ASTN2: variants seen among roughly 807,000 people sequenced by gnomAD.
ASTN2 encodes astrotactin 2.
ASTN2 carries 54 observed loss-of-function variants against 139.8 expected under a neutral mutation model. The observed-to-expected ratio is 0.39, with a 90% CI of 0.31 to 0.48. ASTN2 has a LOEUF of 0.48. ASTN2 is among the 20% of genes least tolerant of loss of function. The pLI, the probability that ASTN2 is intolerant of heterozygous loss-of-function variation, is 0.95. For missense variants in ASTN2, 1,565 were observed against 1,725.1 expected (o/e 0.91, Z 1.64); for synonymous variants, 756 against 719.5 (o/e 1.05, Z -0.81).
At chr9:117,278,857 G>T (rs945280667) in intron 2 of ASTN2, among the ~76,000 whole-genome samples, 4 of 152,180 alleles carry the variant, frequency 2.6e-5, no homozygotes, top group Non-Finnish European at 5.9e-5. Context: ...TCAGCATGGA[G>T]CAAGGGGCCT....
intron 1 of ASTN2, among the ~76,000 whole-genome samples, chr9:117,353,212 C>G (rs1829438544): frequency 6.6e-6 from 1 of 152,082 alleles, no homozygotes; most frequent in Non-Finnish European, 1.5e-5. Flanking sequence ...AATCACAGCA[C>G]TAATAAATGT....
intron 2 of ASTN2, among the ~76,000 whole-genome samples, chr9:117,217,750 G>C (rs1832374807): frequency 6.6e-6 from 1 of 152,142 alleles, no homozygotes; most frequent in Non-Finnish European, 1.5e-5. Flanking sequence ...TAGGTTGTTA[G>C]CTGCTGTTAC....
At chr9:117,335,244 G>A (rs1328705667) in intron 1 of ASTN2, among the ~76,000 whole-genome samples, 2 of 152,094 alleles carry the variant, frequency 1.3e-5, no homozygotes, top group Non-Finnish European at 2.9e-5. Flanking sequence ...TGCTTTTCTA[G>A]AATCCAGAAT....
At chr9:116,620,522 T>C in intron 17 of ASTN2, 79 bp from the exon 18 acceptor site, 1 of 1,577,904 alleles carries the variant, frequency 6.3e-7, no homozygotes, top group East Asian at 2.2e-5. Context: ...ATGGCCATGA[T>C]GTGAGCCATC....
intron 4 of ASTN2, among the ~76,000 whole-genome samples, chr9:117,131,179 G>T (rs1345058474): frequency 6.6e-6 from 1 of 152,114 alleles, no homozygotes; most frequent in East Asian, 1.9e-4. Flanking sequence ...CCAACACACT[G>T]AATGAATCCC....
chr9:117,324,561 T>A (rs1028257782), intron 1 of ASTN2, among the ~76,000 whole-genome samples: 9 of 152,154 alleles, frequency 5.9e-5, no homozygotes, highest in Non-Finnish European at 1.5e-5. Flanking sequence ...CATGATACAG[T>A]CACCTCCCAC....
chr9:116,789,216 T>C (rs1426992993), intron 13 of ASTN2, among the ~76,000 whole-genome samples: 2 of 152,094 alleles, frequency 1.3e-5, no homozygotes, highest in Non-Finnish European at 2.9e-5. Flanking sequence ...CTAGAAAGCA[T>C]CAAAAAGAAA....
At chr9:116,469,771 C>A (rs569849215) in intron 20 of ASTN2, among the ~76,000 whole-genome samples, 1 of 152,226 alleles carries the variant, frequency 6.6e-6, no homozygotes, top group African/African-American at 2.4e-5. Flanking sequence ...AAACACTATA[C>A]CCCATAAACT....
intron 1 of ASTN2, among the ~76,000 whole-genome samples, chr9:117,405,012 G>A (rs1351111411): frequency 6.6e-6 from 1 of 152,126 alleles, no homozygotes; most frequent in African/African-American, 2.4e-5. Context: ...ATGAGACAAG[G>A]CCTAGATGCT....
intron 10 of ASTN2, among the ~76,000 whole-genome samples, chr9:116,920,110 G>T (rs978512360): frequency 6.6e-6 from 1 of 152,122 alleles, no homozygotes; most frequent in African/African-American, 2.4e-5. Flanking sequence ...TGGAAATGGG[G>T]GTTGGATTAG....
intron 10 of ASTN2, among the ~76,000 whole-genome samples, chr9:116,938,987 C>G (rs892257957): frequency 3.3e-5 from 5 of 152,130 alleles, no homozygotes; most frequent in Non-Finnish European, 7.3e-5. Context: ...AGGACACTTC[C>G]TATTAGGGTA....
chr9:117,064,271 A>C (rs926719821), intron 5 of ASTN2, among the ~76,000 whole-genome samples: 2 of 152,088 alleles, frequency 1.3e-5, no homozygotes, highest in African/African-American at 4.8e-5. Flanking sequence ...GCTTCCTCCA[A>C]GCTGCTGCAG....
At chr9:116,857,152 C>T (rs761176791) in intron 11 of ASTN2, among the ~76,000 whole-genome samples, 3 of 152,154 alleles carry the variant, frequency 2.0e-5, no homozygotes, top group Admixed American at 6.5e-5. Flanking sequence ...CACTTAGAAC[C>T]GTGCTTGGAA....
intron 12 of ASTN2, among the ~76,000 whole-genome samples, chr9:116,818,642 G>A (rs1355038027): frequency 1.3e-5 from 2 of 152,122 alleles, no homozygotes; most frequent in Non-Finnish European, 2.9e-5. Flanking sequence ...AGTGCATCAG[G>A]TCACTAGCAA....
At chr9:117,371,985 A>C (rs557538954) in intron 1 of ASTN2, among the ~76,000 whole-genome samples, 1 of 152,270 alleles carries the variant, frequency 6.6e-6, no homozygotes, top group East Asian at 1.9e-4. Context: ...TTCACCCGAA[A>C]GGAGCTTCCC....
At position 116,487,435 on chromosome 9, in the gene ASTN2, G is replaced by T. The variant is rs755917557; in HGVS notation, c.3421C>A (p.Arg1141=). The T allele has an allele frequency of 6.2e-7, 1 of 1,613,942 alleles. No homozygotes were observed. The highest frequency in any genetic ancestry group is 8.5e-7 in the Non-Finnish European group (1 of 1,179,954). Reference sequence around the variant, plus strand: ...ACTTCAGGGACCTCTCCATGGCTTCGACCAGCTGCTACACAAGATGTGCCC... The same window carrying T: ...ACTTCAGGGACCTCTCCATGGCTTCTACCAGCTGCTACACAAGATGTGCCC... ...GLGTSCVAAG[R]SHGEVPEVSI... is the part of the protein sequence containing the mutation. Residue 1141 remains arginine (R), a synonymous_variant, in exon 20 of 23, where the codon CGA becomes AGA. Coordinates refer to ENST00000313400, the MANE Select transcript of ASTN2 (RefSeq NM_001365068.1).
intron 13 of ASTN2, among the ~76,000 whole-genome samples, chr9:116,787,995 T>TA (rs1054427179): frequency 3.3e-5 from 5 of 152,068 alleles, no homozygotes; most frequent in Admixed American, 2.0e-4. Flanking sequence ...CTGTTTAAAA[T>TA]AAAAAAATAT....
chr9:117,010,224 G>A (rs1837478632), intron 6 of ASTN2, among the ~76,000 whole-genome samples: 1 of 152,046 alleles, frequency 6.6e-6, no homozygotes, highest in Admixed American at 6.6e-5. Context: ...GGCAGGAGAA[G>A]ATATGCAAAT....
At chr9:116,820,424 T>C (rs1831454167) in intron 12 of ASTN2, among the ~76,000 whole-genome samples, 193 bp downstream of exon 12, 1 of 152,260 alleles carries the variant, frequency 6.6e-6, no homozygotes, top group Non-Finnish European at 1.5e-5. Context: ...TTTCTCATTT[T>C]TTTCTTTTTT....
Sources: allele counts gnomAD v4.1 joint callset (sites outside exome capture counted in the v4.1 genomes callset), GRCh38; gene constraint gnomAD v4.1.1; transcripts MANE v1.5; gene names NCBI Gene and HGNC (gene_info 2026-07-23, HGNC 2026-07-21).